BRIP1: variants seen among roughly 807,000 people sequenced by gnomAD.
The protein encoded by BRIP1 is BRCA1 interacting DNA helicase 1, also known as Fanconi anemia group J protein.
A neutral mutation model predicts 119.7 loss-of-function variants in BRIP1; 88 were observed. The observed-to-expected ratio is 0.74, with a 90% confidence interval of 0.62 to 0.88. The LOEUF is 0.88. Ranked by LOEUF, BRIP1 falls within the 40% of genes least tolerant of loss-of-function variation. BRIP1 has a pLI of 0.00. For synonymous variants in BRIP1, 443 were observed against 496.5 expected (o/e 0.89, Z 1.43); for missense variants, 1,259 against 1,455.4 (o/e 0.87, Z 2.20).
rs2078494817 is a variant in BRIP1, at chr17:61,831,660, C to T, written c.627+15441G>A. Among the ~76,000 whole-genome samples, 3 of 151,996 alleles carry T rather than the reference C, an allele frequency of 2.0e-5. No homozygotes were observed. The highest frequency in any genetic ancestry group is 4.2e-4 in the South Asian group (2 of 4,800). ...TATCAATGGACATTTTGGTTGTTTC[C>T]ACCTTTTGGCTATTGTGAATAACAC... is the stretch of plus-strand genomic sequence containing the variant. On this transcript the variant is annotated intron_variant, in intron 6 of 19. Transcript: ENST00000259008. The surrounding 1 kb of genome is among the most constrained non-coding windows in gnomAD (Gnocchi z 4.1).
At chr17:61,783,031 T>C (rs748222812) in intron 11 of BRIP1, among the ~76,000 whole-genome samples, 24 of 152,178 alleles carry the variant, frequency 1.6e-4, no homozygotes, top group Admixed American at 1.4e-3. Context: ...GATTCTGCAA[T>C]TCCACTGCTA....
At position 61,725,579 on chromosome 17, in the gene BRIP1, A is replaced by G. The variant is rs2076755639; in HGVS notation, c.2380-9516T>C. On this transcript the variant is annotated intron_variant, in intron 16 of 19. Transcript: ENST00000259008. The surrounding 1 kb of genome is among the most constrained non-coding windows in gnomAD (Gnocchi z 5.3). Reference sequence around the variant, plus strand: ...AAAAGTTAATACTCTAAGACATGCAAGAAATCTTAGCATGCTTATTCTGTA... The same window carrying G: ...AAAAGTTAATACTCTAAGACATGCAGGAAATCTTAGCATGCTTATTCTGTA... 6.6e-6 allele frequency among the ~76,000 whole-genome samples: 1 copy of G among 152,158 alleles called. No homozygotes were observed. Among genetic ancestry groups the G allele is most frequent in the Non-Finnish European group, 1.5e-5 (1 of 68,026 alleles).
Position 61,758,215 on chromosome 17 carries a change from G to A in BRIP1, c.2098-13624C>T, listed in dbSNP as rs1012941556. 6.6e-6 allele frequency among the ~76,000 whole-genome samples: 1 copy of A among 152,090 alleles called. No homozygotes were observed. The highest frequency in any genetic ancestry group is 2.4e-5 in the African/African-American group (1 of 41,424). On this transcript the variant is annotated intron_variant, in intron 14 of 19. Transcript: ENST00000259008. The surrounding 1 kb of genome is among the most constrained non-coding windows in gnomAD (Gnocchi z 5.3). ...AACTGTTGACTGAGTTAATAATGTT[G>A]GCTAAAATCTGAATGTATAAACTTA...
In BRIP1 at chr17:61,789,883, G is replaced by A. The variant is rs1227667792; in HGVS notation, c.1473+3714C>T. Among the ~76,000 whole-genome samples the A allele has an allele frequency of 6.6e-6, 1 of 152,116 alleles. No individual in the cohort carries two copies. The highest frequency in any genetic ancestry group is 1.5e-5 in the Non-Finnish European group (1 of 67,998). On this transcript the variant is annotated intron_variant, in intron 10 of 19. Coordinates refer to ENST00000259008, the MANE Select transcript of BRIP1 (RefSeq NM_032043.3). This position sits in a 1 kb window ranked among gnomAD's most constrained non-coding sequence, Gnocchi z 4.8. ...ACAATGTTCATCTTTGAGTTTATGA[G>A]TCATTTTTCTTTGTGCCATTCTGTA... is the stretch of plus-strand genomic sequence containing the variant.
At position 61,806,005 on chromosome 17, in the gene BRIP1, T is replaced by C. The variant is rs936584190; in HGVS notation, c.918+2462A>G. Among the ~76,000 whole-genome samples, 3 of 152,226 alleles carry C rather than the reference T, an allele frequency of 2.0e-5. No homozygotes were observed. The highest frequency in any genetic ancestry group is 2.1e-4 in the South Asian group (1 of 4,830). On this transcript the variant is annotated intron_variant, in intron 7 of 19. Coordinates refer to ENST00000259008, the MANE Select transcript of BRIP1 (RefSeq NM_032043.3). The surrounding 1 kb of genome is among the most constrained non-coding windows in gnomAD (Gnocchi z 4.9). ...AACTTTTAACAGATAAGTGCATACT[T>C]TTCCAGTATAAGGGCACTTTAGTAA...
rs1391510682 is a variant in BRIP1, at chr17:61,816,283, G to C, written c.628-7526C>G. Among the ~76,000 whole-genome samples the C allele has an allele frequency of 2.0e-5, 3 of 152,154 alleles. No homozygotes were observed. Among genetic ancestry groups the C allele is most frequent in the Non-Finnish European group, 4.4e-5 (3 of 68,008 alleles). On this transcript the variant is annotated intron_variant, in intron 6 of 19. Transcript: ENST00000259008. The surrounding 1 kb of genome is among the most constrained non-coding windows in gnomAD (Gnocchi z 5.0). ...AATCCACAACTTTCTTCATCCCATC[G>C]CTGTAAATTAGCCTGCTCTAAAGTT...
At chr17:61,850,565 C>T (rs571874771) in intron 4 of BRIP1, among the ~76,000 whole-genome samples, 107 of 152,148 alleles carry the variant, frequency 7.0e-4, no homozygotes, top group Non-Finnish European at 1.4e-3. Context: ...CAGTGGCTCA[C>T]GCCTTTAATC....
chr17:61,750,255 A>G (rs977347679), intron 14 of BRIP1, among the ~76,000 whole-genome samples: 2 of 152,194 alleles, frequency 1.3e-5, no homozygotes, highest in African/African-American at 4.8e-5. Context: ...GCTTTTTTGC[A>G]TTATTGAAAC....
rs962206032 is a variant in BRIP1, at chr17:61,822,206, C to T, written c.628-13449G>A. ...TAAAAGAAGAAGAAAAGCTATTTGA[C>T]GAATAGACTGATAATGGGATTCTCA... is the stretch of plus-strand genomic sequence containing the variant. On this transcript the variant is annotated intron_variant, in intron 6 of 19. Coordinates refer to ENST00000259008, the MANE Select transcript of BRIP1 (RefSeq NM_032043.3). The surrounding 1 kb of genome is among the most constrained non-coding windows in gnomAD (Gnocchi z 4.4). 4.6e-5 allele frequency among the ~76,000 whole-genome samples: 7 copies of T among 152,040 alleles called. No individual in the cohort carries two copies. Among genetic ancestry groups the T allele is most frequent in the Non-Finnish European group, 1.0e-4 (7 of 67,994 alleles).
rs1567746065 is a variant in BRIP1 at position 61,703,154 on chromosome 17, T to C, written c.2493-9642A>G. On this transcript the variant is annotated intron_variant, in intron 17 of 19. Coordinates refer to ENST00000259008, the MANE Select transcript of BRIP1 (RefSeq NM_032043.3). This position sits in a 1 kb window ranked among gnomAD's most constrained non-coding sequence, Gnocchi z 5.0. Reference sequence around the variant, plus strand: ...ATCCCAACTCACTGCAAACTCCACCTCCCGGGTTCAAACGATTCTCCTGCT... The same window carrying C: ...ATCCCAACTCACTGCAAACTCCACCCCCCGGGTTCAAACGATTCTCCTGCT... Among the ~76,000 whole-genome samples the C allele has an allele frequency of 6.6e-6, 1 of 152,088 alleles. No homozygotes were observed. The highest frequency in any genetic ancestry group is 1.5e-5 in the Non-Finnish European group (1 of 68,014).
Position 61,762,980 on chromosome 17 carries a change from G to A in BRIP1, c.2097+13421C>T, listed in dbSNP as rs755686370. On this transcript the variant is annotated intron_variant, in intron 14 of 19. Coordinates refer to ENST00000259008, the MANE Select transcript of BRIP1 (RefSeq NM_032043.3). This position sits in a 1 kb window ranked among gnomAD's most constrained non-coding sequence, Gnocchi z 4.3. The stretch of plus-strand genomic sequence containing the variant: ...GGAATTGGAGAACATTATGCTAAGT[G>A]AAATAAGCCAGGCACAGAAAGATAA... Among the ~76,000 whole-genome samples, 6 of 152,096 alleles carry A rather than the reference G, an allele frequency of 3.9e-5. No individual in the cohort carries two copies. The highest frequency in any genetic ancestry group is 9.7e-5 in the African/African-American group (4 of 41,422).
At position 61,841,040 on chromosome 17, in the gene BRIP1, C is replaced by A. The variant is rs1050657656; in HGVS notation, c.627+6061G>T. On this transcript the variant is annotated intron_variant, in intron 6 of 19. Coordinates refer to ENST00000259008, the MANE Select transcript of BRIP1 (RefSeq NM_032043.3). This position sits in a 1 kb window ranked among gnomAD's most constrained non-coding sequence, Gnocchi z 4.1. Reference sequence around the variant, plus strand: ...CATATGCAAAAGGAAAAAACTAGATCCCTCTCACCATCTACAAAAACCAAC... The same window carrying A: ...CATATGCAAAAGGAAAAAACTAGATACCTCTCACCATCTACAAAAACCAAC... 6.6e-6 allele frequency among the ~76,000 whole-genome samples: 1 copy of A among 152,066 alleles called. No individual in the cohort carries two copies. Among genetic ancestry groups the A allele is most frequent in the Non-Finnish European group, 1.5e-5 (1 of 67,966 alleles).
intron 10 of BRIP1, among the ~76,000 whole-genome samples, chr17:61,792,812 C>A (rs1309596713): frequency 6.6e-6 from 1 of 152,090 alleles, no homozygotes; most frequent in Non-Finnish European, 1.5e-5. Context: ...CTTAAGGTAA[C>A]CTATGGACTT....
At position 61,735,846 on chromosome 17, in the gene BRIP1, C is replaced by G. The variant is rs1348166488; in HGVS notation, c.2379+7167G>C. On this transcript the variant is annotated intron_variant, in intron 16 of 19. Transcript: ENST00000259008. This position sits in a 1 kb window ranked among gnomAD's most constrained non-coding sequence, Gnocchi z 4.4. ...TGCCTCTTGGATGGATTAGGAAGAA[C>G]CTCAGTCCTACAACCACAAACGGAC... Among the ~76,000 whole-genome samples the G allele has an allele frequency of 6.6e-6, 1 of 151,958 alleles. No individual in the cohort carries two copies. Among genetic ancestry groups the G allele is most frequent in the Non-Finnish European group, 1.5e-5 (1 of 68,004 alleles).
chr17:61,849,348 T>G, intron 4 of BRIP1, 92 bp from the exon 5 acceptor site: 3 of 1,047,088 alleles, frequency 2.9e-6, no homozygotes, highest in Non-Finnish European at 4.2e-6. Context: ...TAAGGCTTAT[T>G]TCTAGAAATT....
In BRIP1 at chr17:61,780,297, G is replaced by C. The variant is rs28997572; in HGVS notation, c.1899C>G (p.Ile633Met). The change falls in exon 13 of 20, where the codon ATC becomes ATG. Residue 633 changes from isoleucine (I) to methionine (M), a missense_variant. Around this residue, in one of 3 missense-constraint regions of BRIP1, gnomAD observed 753 missense variants for 891.8 expected, o/e 0.84. Transcript: ENST00000259008. This position sits in a 1 kb window ranked among gnomAD's most constrained non-coding sequence, Gnocchi z 5.4. The part of the protein sequence containing the change: ...FSSELGVTFT[I>M]QLEANHIIKN... Reference sequence around the variant, plus strand: ...TAATGATATGATTAGCCTCCAGCTGGATAGTAAATGTAACACCAAGTTCTG... The same window carrying C: ...TAATGATATGATTAGCCTCCAGCTGCATAGTAAATGTAACACCAAGTTCTG... The C allele has an allele frequency of 8.7e-6, 14 of 1,613,428 alleles. No individual in the cohort carries two copies. Among genetic ancestry groups the C allele is most frequent in the African/African-American group, 5.3e-5 (4 of 74,900 alleles).
At chr17:61,850,796 C>T (rs1011157253) in intron 4 of BRIP1, among the ~76,000 whole-genome samples, 4 of 151,358 alleles carry the variant, frequency 2.6e-5, no homozygotes, top group African/African-American at 9.7e-5. Flanking sequence ...CCATGCACTC[C>T]AGCCTGGGCA....
chr17:61,688,697 A>C (rs1275898137), intron 18 of BRIP1, among the ~76,000 whole-genome samples: 1 of 151,920 alleles, frequency 6.6e-6, no homozygotes, highest in Non-Finnish European at 1.5e-5. Flanking sequence ...AAACATAAAG[A>C]AACAGGAAAA....
At position 61,767,405 on chromosome 17, in the gene BRIP1, T is replaced by C. The variant is rs2077388791; in HGVS notation, c.2097+8996A>G. 6.6e-6 allele frequency among the ~76,000 whole-genome samples: 1 copy of C among 152,046 alleles called. No individual in the cohort carries two copies. The highest frequency in any genetic ancestry group is 1.5e-5 in the Non-Finnish European group (1 of 67,994). On this transcript the variant is annotated intron_variant, in intron 14 of 19. Transcript: ENST00000259008. The surrounding 1 kb of genome is among the most constrained non-coding windows in gnomAD (Gnocchi z 5.7). Reference sequence around the variant, plus strand: ...GATCCTCCCATCTCAGCCTCCTAAGTAGCTGGGACTCACAACACCACACCT... The same window carrying C: ...GATCCTCCCATCTCAGCCTCCTAAGCAGCTGGGACTCACAACACCACACCT...
Sources: gnomAD v4.1 joint callset for allele counts (sites outside exome capture counted in the v4.1 genomes callset) on GRCh38, gnomAD v4.1.1 for gene constraint, gnomAD v4.1.1 regional missense constraint, Gnocchi (gnomAD v3.1) non-coding constraint, MANE v1.5 for transcripts, NCBI Gene and HGNC (gene_info 2026-07-23, HGNC 2026-07-21) for gene names.